ZW10: variants seen among roughly 807,000 people sequenced by gnomAD.
ZW10 encodes the protein centromere/kinetochore protein zw10 homolog.
A neutral mutation model predicts 87.8 loss-of-function variants in ZW10; 53 were observed. The observed-to-expected ratio is 0.60, with a 90% confidence interval of 0.48 to 0.76. The LOEUF (loss-of-function observed/expected upper bound fraction) is 0.76, where lower values mean the gene tolerates loss of function less well. Ranked by LOEUF, ZW10 falls within the 30% of genes least tolerant of loss-of-function variation. ZW10 has a pLI of 0.00. For missense variants in ZW10, 837 were observed against 923.0 expected (o/e 0.91, Z 1.21); for synonymous variants, 312 against 329.2 (o/e 0.95, Z 0.57).
chr11:113,734,334 C>A (rs772125560), intron 15 of ZW10, among the ~76,000 whole-genome samples: 1 of 152,166 alleles, frequency 6.6e-6, no homozygotes, highest in Non-Finnish European at 1.5e-5. Flanking sequence ...TAGGGAAATG[C>A]AAATTAAAAT....
rs1953513220 is a variant in ZW10 at position 113,733,468 on chromosome 11, A to G, written c.*226T>C. 8 of 529,430 alleles carry G rather than the reference A, an allele frequency of 1.5e-5. No homozygotes were observed. Among genetic ancestry groups the G allele is most frequent in the South Asian group, 9.8e-5 (4 of 40,632 alleles). 32.8% of individuals were successfully genotyped at this position (529,430 alleles called of 1,614,324 possible). A position where few individuals can be genotyped will look rare whatever the true frequency, so the allele number is the denominator to read the frequency against. On this transcript the variant is annotated 3_prime_UTR_variant, in exon 16 of 16. Transcript: ENST00000200135. Reference sequence around the variant, plus strand: ...TAGCTAATCAAAGGAAGATGGCTAGAAAGTCAATGAATTGAGGTGCTTTAC... The same window carrying G: ...TAGCTAATCAAAGGAAGATGGCTAGGAAGTCAATGAATTGAGGTGCTTTAC...
chr11:113,760,330 G>A lies in ZW10; in HGVS notation c.459C>T (p.Cys153=), dbSNP rs1953844019. The change falls in exon 5 of 16, where the codon TGC becomes TGT. Residue 153 remains cysteine (C), a synonymous_variant. Transcript: ENST00000200135. Reference sequence around the variant, plus strand: ...GAGATTTCAATATTTTTAAATCAAAGCATTTTCTGGATTTTAATAACTTCA... The same window carrying A: ...GAGATTTCAATATTTTTAAATCAAAACATTTTCTGGATTTTAATAACTTCA... ...KCLKLLKSRK[C]FDLKILKSLS... is the part of the protein sequence containing the mutation. 12 of 1,613,868 alleles carry A rather than the reference G, an allele frequency of 7.4e-6. No homozygotes were observed. Among genetic ancestry groups the A allele is most frequent in the Non-Finnish European group, 1.0e-5 (12 of 1,179,958 alleles).
chr11:113,740,029 A>G (rs138593097), intron 11 of ZW10, among the ~76,000 whole-genome samples: 136 of 152,300 alleles, frequency 8.9e-4, no homozygotes, highest in African/African-American at 3.1e-3. Context: ...ATTTTGTCTT[A>G]TATTTCTGCT....
chr11:113,745,008 G>A (rs1247668634), intron 9 of ZW10, among the ~76,000 whole-genome samples: 1 of 151,608 alleles, frequency 6.6e-6, no homozygotes, highest in Non-Finnish European at 1.5e-5. Context: ...CTAGATTCTT[G>A]AACAAATTAT....
intron 14 of ZW10, among the ~76,000 whole-genome samples, 166 bp downstream of exon 14, chr11:113,737,406 A>G (rs1220995126): frequency 6.6e-6 from 1 of 152,032 alleles, no homozygotes; most frequent in Non-Finnish European, 1.5e-5. Context: ...AAAAGAGATT[A>G]AACAGTTTCT....
chr11:113,749,315 TA>T (rs1953712581), intron 7 of ZW10, among the ~76,000 whole-genome samples: 3 of 152,228 alleles, frequency 2.0e-5, no homozygotes, highest in Admixed American at 2.0e-4. Context: ...ATTTTGCTAC[TA>T]AACACTTAAA....
At chr11:113,736,585 A>C in intron 15 of ZW10, 35 bp downstream of exon 15, 1 of 1,604,822 alleles carries the variant, frequency 6.2e-7, no homozygotes, top group Non-Finnish European at 8.5e-7. Flanking sequence ...GTAGCTATGG[A>C]GAGTTATATG....
intron 3 of ZW10, 95 bp from the exon 4 acceptor site, chr11:113,760,685 C>T: frequency 8.6e-7 from 1 of 1,161,554 alleles, no homozygotes; most frequent in Non-Finnish European, 1.2e-6. Context: ...CTCCCCCTCC[C>T]CCCTCTAAAA....
chr11:113,773,151 G>T (rs543824141), intron 1 of ZW10, among the ~76,000 whole-genome samples: 1 of 152,046 alleles, frequency 6.6e-6, no homozygotes, highest in Non-Finnish European at 1.5e-5. Context: ...GGGGGATCCT[G>T]TCTTTTCTAT....
At chr11:113,751,044 T>C (rs945794122) in intron 7 of ZW10, 3 of 154,678 alleles carry the variant, frequency 1.9e-5, no homozygotes, top group African/African-American at 7.2e-5. Flanking sequence ...TTAGTGTTTA[T>C]TTTATGCACA....
intron 7 of ZW10, among the ~76,000 whole-genome samples, chr11:113,749,294 C>G (rs1953712433): frequency 6.6e-6 from 1 of 152,148 alleles, no homozygotes; most frequent in Admixed American, 6.5e-5. Context: ...AATATGATAG[C>G]CACCAACCAC....
At chr11:113,762,395 A>C (rs1478444855) in intron 2 of ZW10, among the ~76,000 whole-genome samples, 2 of 152,218 alleles carry the variant, frequency 1.3e-5, no homozygotes, top group African/African-American at 2.4e-5. Flanking sequence ...CTAGGACATT[A>C]GTGTACTCTA....
At position 113,760,333 on chromosome 11, in the gene ZW10, T is replaced by C. The variant is rs1343582499; in HGVS notation, c.456A>G (p.Lys152=). The C allele has an allele frequency of 6.2e-7, 1 of 1,613,898 alleles. No individual in the cohort carries two copies. Among genetic ancestry groups the C allele is most frequent in the Non-Finnish European group, 8.5e-7 (1 of 1,180,010 alleles). ...ATTTCAATATTTTTAAATCAAAGCA[T>C]TTTCTGGATTTTAATAACTTCAAGC... The part of the protein sequence containing the change: ...QKCLKLLKSR[K]CFDLKILKSL... The change falls in exon 5 of 16, where the codon AAA becomes AAG. Residue 152 remains lysine, a synonymous_variant. Coordinates refer to ENST00000200135, the MANE Select transcript of ZW10 (RefSeq NM_004724.4).
intron 7 of ZW10, among the ~76,000 whole-genome samples, chr11:113,749,751 A>G (rs1269393178): frequency 3.9e-5 from 6 of 152,246 alleles, no homozygotes; most frequent in Admixed American, 3.3e-4. Flanking sequence ...TCCATTAAAC[A>G]CAATTTCATT....
chr11:113,761,923 T>C lies in ZW10; in HGVS notation c.241-1005A>G, dbSNP rs1218343109. ...ATTGTCTTTACATTCTCAACTCTCA[T>C]TCACTCTATACCTCACTGTGATCTG... On this transcript the variant is annotated intron_variant, in intron 2 of 15. Transcript: ENST00000200135. Among the ~76,000 whole-genome samples, 7 of 152,216 alleles carry C rather than the reference T, an allele frequency of 4.6e-5. No individual in the cohort carries two copies. The South Asian group carries it at 1.2e-3, about 27-fold the overall frequency.
intron 2 of ZW10, among the ~76,000 whole-genome samples, chr11:113,765,672 C>A (rs538564202): frequency 1.3e-5 from 2 of 152,316 alleles, no homozygotes; most frequent in African/African-American, 4.8e-5. Context: ...TGAGATCCTG[C>A]ATTTCTAATA....
At chr11:113,753,607 T>C (rs982224379) in intron 7 of ZW10, among the ~76,000 whole-genome samples, 4 of 152,170 alleles carry the variant, frequency 2.6e-5, no homozygotes, top group Admixed American at 2.6e-4. Flanking sequence ...GGTTTCACCA[T>C]GTTGGCCAGG....
chr11:113,737,617 G>C lies in ZW10; in HGVS notation c.1971C>G (p.Leu657=), dbSNP rs1173289148. 1 of 1,613,348 alleles carries C rather than the reference G, an allele frequency of 6.2e-7. No individual in the cohort carries two copies. The highest frequency in any genetic ancestry group is 8.5e-7 in the Non-Finnish European group (1 of 1,179,490). The change falls in exon 14 of 16, where the codon CTC becomes CTG. Residue 657 remains leucine, a synonymous_variant. Transcript: ENST00000200135. The part of the protein sequence containing the change: ...NIYCKAMGTL[L]NTAISEVIGK... ...CAATGACCTCAGAAATTGCTGTATT[G>C]AGTAAAGTCCCCATAGCCTTGCAAT...
At chr11:113,742,251 T>C (rs1298239353) in intron 10 of ZW10, among the ~76,000 whole-genome samples, 2 of 152,214 alleles carry the variant, frequency 1.3e-5, no homozygotes, top group Non-Finnish European at 2.9e-5. Flanking sequence ...TAGGATAGAA[T>C]CTAGCCCTCA....
Sources: gnomAD v4.1 joint callset for allele counts (sites outside exome capture counted in the v4.1 genomes callset) on GRCh38, gnomAD v4.1.1 for gene constraint, MANE v1.5 for transcripts, NCBI Gene and HGNC (gene_info 2026-07-23, HGNC 2026-07-21) for gene names.